TAS2R1: variants seen among roughly 807,000 people sequenced by gnomAD.
TAS2R1 encodes the protein taste 2 receptor member 1, also known as taste receptor type 2 member 1.
For synonymous variants in TAS2R1, 141 were observed against 134.2 expected, an observed-to-expected ratio of 1.05 and a Z score of -0.35; for missense variants, 370 against 353.4, an observed-to-expected ratio of 1.05 and a Z score of -0.38.
intron 1 of TAS2R1, among the ~76,000 whole-genome samples, chr5:9,682,802 A>G (rs545003910): frequency 6.6e-6 from 1 of 152,200 alleles, no homozygotes; most frequent in Admixed American, 6.5e-5. Flanking sequence ...TCAGCCTACA[A>G]CCCCAATGAG....
At chr5:9,744,560 A>G in the TAS2R1 span, among the ~76,000 whole-genome samples, 1 of 152,116 alleles carries the variant, frequency 6.6e-6, no homozygotes, top group Admixed American at 6.5e-5. Context: ...ATTCATGACA[A>G]ACTTGTATAT....
At chr5:9,779,019 T>G in the TAS2R1 span, among the ~76,000 whole-genome samples, 4 of 152,340 alleles carry the variant, frequency 2.6e-5, no homozygotes, top group African/African-American at 9.6e-5. Context: ...GGATGTTTTT[T>G]CCCCTGCAAA....
the TAS2R1 span, chr5:9,760,979 A>G: frequency 1.3e-5 from 2 of 152,210 alleles, no homozygotes; most frequent in Non-Finnish European, 2.9e-5. Flanking sequence ...GGGCCTGGTT[A>G]GTACTTGGAT....
At chr5:9,657,989 G>C (rs1180616080) in intron 2 of TAS2R1, among the ~76,000 whole-genome samples, 1 of 152,224 alleles carries the variant, frequency 6.6e-6, no homozygotes, top group African/African-American at 2.4e-5. Flanking sequence ...ATTTAGAACT[G>C]ATGAGGGCTG....
At chr5:9,693,457 G>A (rs1741290124) in intron 1 of TAS2R1, among the ~76,000 whole-genome samples, 1 of 148,444 alleles carries the variant, frequency 6.7e-6, no homozygotes, top group Non-Finnish European at 1.5e-5. Flanking sequence ...CTGGGAGGAG[G>A]TGGTTGCAGT....
chr5:9,716,161 T>C (rs963937908), upstream of TAS2R1, among the ~76,000 whole-genome samples: 4 of 152,110 alleles, frequency 2.6e-5, no homozygotes, highest in African/African-American at 9.7e-5. Context: ...TGGAGAAACT[T>C]CAACCAGCCT....
At chr5:9,820,301 C>A in the TAS2R1 span, among the ~76,000 whole-genome samples, 1 of 152,100 alleles carries the variant, frequency 6.6e-6, no homozygotes, top group Non-Finnish European at 1.5e-5. Context: ...AATTGTAGGA[C>A]AAGAAGAAAC....
At chr5:9,881,561 G>C in the TAS2R1 span, among the ~76,000 whole-genome samples, 1 of 152,120 alleles carries the variant, frequency 6.6e-6, no homozygotes, top group African/African-American at 2.4e-5. Context: ...ACAATCCTAA[G>C]CAAAGAGAAC....
At chr5:9,802,280 C>G in the TAS2R1 span, among the ~76,000 whole-genome samples, 3 of 152,116 alleles carry the variant, frequency 2.0e-5, no homozygotes, top group Admixed American at 2.0e-4. Flanking sequence ...CAGTACCAGC[C>G]CAGAGCTCAG....
the TAS2R1 span, among the ~76,000 whole-genome samples, chr5:9,751,772 A>G: frequency 6.6e-6 from 1 of 152,230 alleles, no homozygotes; most frequent in Admixed American, 6.5e-5. Context: ...TCTCCAAAGA[A>G]CAAACTTTAA....
the TAS2R1 span, among the ~76,000 whole-genome samples, chr5:9,772,378 C>A: frequency 6.6e-6 from 1 of 151,960 alleles, no homozygotes; most frequent in Non-Finnish European, 1.5e-5. Context: ...TGCTTGATAT[C>A]ATTTCAATTT....
the TAS2R1 span, among the ~76,000 whole-genome samples, chr5:9,836,364 T>G: frequency 2.6e-5 from 4 of 152,278 alleles, no homozygotes; most frequent in South Asian, 8.3e-4. Flanking sequence ...GGCTGAAGTT[T>G]CTTGACCTTG....
the TAS2R1 span, among the ~76,000 whole-genome samples, chr5:9,817,188 G>A: frequency 6.6e-6 from 1 of 152,116 alleles, no homozygotes; most frequent in Non-Finnish European, 1.5e-5. Flanking sequence ...AGCTCTCTGT[G>A]CACGAGGTTT....
At chr5:9,866,297 C>T in the TAS2R1 span, among the ~76,000 whole-genome samples, 1 of 152,096 alleles carries the variant, frequency 6.6e-6, no homozygotes, top group East Asian at 1.9e-4. Flanking sequence ...ATTTCTTGAA[C>T]ATCTTAATTG....
At chr5:9,824,620 G>A in the TAS2R1 span, among the ~76,000 whole-genome samples, 1 of 152,138 alleles carries the variant, frequency 6.6e-6, no homozygotes, top group Non-Finnish European at 1.5e-5. Flanking sequence ...GCCGAGGCAG[G>A]TGGATCACCT....
the TAS2R1 span, among the ~76,000 whole-genome samples, chr5:9,765,065 TAC>T: frequency 6.6e-5 from 10 of 151,986 alleles, no homozygotes; most frequent in Non-Finnish European, 1.0e-4. Context: ...CACACATATA[TAC>T]ACACACACAA....
chr5:9,745,754 T>G, the TAS2R1 span, among the ~76,000 whole-genome samples: 1 of 152,146 alleles, frequency 6.6e-6, no homozygotes, highest in Non-Finnish European at 1.5e-5. Context: ...TTATACCTTA[T>G]ACAAAAATTA....
the TAS2R1 span, among the ~76,000 whole-genome samples, chr5:9,896,880 A>C: frequency 6.6e-6 from 1 of 152,218 alleles, no homozygotes; most frequent in Non-Finnish European, 1.5e-5. Context: ...TGTGTGCATG[A>C]CAACTTTGGG....
chr5:9,878,177 T>C, the TAS2R1 span, among the ~76,000 whole-genome samples: 1 of 152,174 alleles, frequency 6.6e-6, no homozygotes, highest in African/African-American at 2.4e-5. Context: ...TATAATACTA[T>C]TCAGCAGAGA....
Sources: allele counts gnomAD v4.1 joint callset (sites outside exome capture counted in the v4.1 genomes callset), GRCh38; gene constraint gnomAD v4.1.1; transcripts MANE v1.5; gene names NCBI Gene and HGNC (gene_info 2026-07-23, HGNC 2026-07-21).